The following DNAH7 variants were observed in gnomAD, a reference collection of about 807,000 sequenced individuals.
The protein encoded by DNAH7 is dynein axonemal heavy chain 7.
Under a neutral mutation model 444.6 loss-of-function variants are expected in DNAH7, and 397 were observed. The ratio of observed to expected loss-of-function variants is 0.89; its 90% confidence interval spans 0.82 to 0.97. The LOEUF is 0.97. DNAH7 is among the 50% of genes least tolerant of loss of function. DNAH7 has a pLI of 0.00. For missense variants in DNAH7, 4,902 were observed against 4,800.8 expected (o/e 1.02, Z -0.62); for synonymous variants, 1,636 against 1,624.4 (o/e 1.01, Z -0.17).
chr2:196,012,867 G>A lies in DNAH7; in HGVS notation c.909C>T (p.Cys303=). The A allele has an allele frequency of 6.5e-7, 1 of 1,528,704 alleles. No individual in the cohort carries two copies. The highest frequency in any genetic ancestry group is 8.8e-7 in the Non-Finnish European group (1 of 1,139,450). 94.7% of individuals were successfully genotyped at this position (1,528,704 alleles called of 1,614,324 possible). The change falls in exon 10 of 65, where the codon TGC becomes TGT. Residue 303 remains cysteine, a synonymous_variant. Transcript: ENST00000312428. ...RLVDIKEFHN[C]QDALELSSFQ... is the part of the protein sequence containing the mutation. ...AACTTGACAGCTCTAATGCATCCTG[G>A]CAATTATGAAATTCTTTGATATCAA...
In DNAH7 at chr2:195,808,748, G is replaced by A. The variant is rs772641016; in HGVS notation, c.10017C>T (p.Ala3339=). Residue 3339 remains alanine (A), a synonymous_variant, in exon 53 of 65, where the codon GCC becomes GCT. Coordinates refer to ENST00000312428, the MANE Select transcript of DNAH7 (RefSeq NM_018897.3). ...TAAACTCTCTACGAATGGTTTTGAA[G>A]GCAGGCAAATCATCTAATCGACATA... ...DEICRLDDLP[A]FKTIRREFMR... 1 of 1,613,996 alleles carries A rather than the reference G, an allele frequency of 6.2e-7. No homozygotes were observed. Among genetic ancestry groups the A allele is most frequent in the South Asian group, 1.1e-5 (1 of 91,082 alleles).
At chr2:196,013,034 TTAAA>T (rs1259169234) in intron 9 of DNAH7, 128 bp from the exon 10 acceptor site, 3 of 592,690 alleles carry the variant, frequency 5.1e-6, no homozygotes, top group African/African-American at 1.9e-5. Flanking sequence ...TTCTATATAA[TTAAA>T]TGTTAAAGAA....
At chr2:195,869,984 A>C (rs758085417) in intron 40 of DNAH7, among the ~76,000 whole-genome samples, 4 of 152,208 alleles carry the variant, frequency 2.6e-5, no homozygotes, top group Non-Finnish European at 5.9e-5. Context: ...GAATCTAAAA[A>C]ACTCTTAAAA....
At chr2:195,848,338 G>C (rs898853719) in intron 46 of DNAH7, among the ~76,000 whole-genome samples, 2 of 152,232 alleles carry the variant, frequency 1.3e-5, no homozygotes, top group Admixed American at 6.5e-5. Context: ...CTGGCACCAT[G>C]CCAGGTTATG....
chr2:195,906,844 C>T (rs763807829), intron 26 of DNAH7, 58 bp from the exon 27 acceptor site: 23 of 1,606,552 alleles, frequency 1.4e-5, no homozygotes, highest in Non-Finnish European at 2.0e-5. Context: ...ATGAGCTGTG[C>T]CATTCACTAC....
At chr2:196,038,718 C>T (rs1026288718) in intron 5 of DNAH7, among the ~76,000 whole-genome samples, 20 of 151,996 alleles carry the variant, frequency 1.3e-4, no homozygotes, top group African/African-American at 4.8e-4. Flanking sequence ...TGTGCCTTTA[C>T]AGATGAAGTA....
intron 45 of DNAH7, among the ~76,000 whole-genome samples, chr2:195,855,179 C>T (rs1699619786): frequency 6.6e-6 from 1 of 152,192 alleles, no homozygotes; most frequent in African/African-American, 2.4e-5. Context: ...CTTAGAACAA[C>T]CGGCCTTTGT....
chr2:195,751,044 A>G lies in DNAH7; in HGVS notation c.11764+3293T>C, dbSNP rs140133140. Among the ~76,000 whole-genome samples, 323 of 152,310 alleles carry G rather than the reference A, an allele frequency of 2.1e-3. 1 individual carries two copies. Among genetic ancestry groups the G allele is most frequent in the African/African-American group, 7.3e-3 (303 of 41,578 alleles). On this transcript the variant is annotated intron_variant, in intron 63 of 64. Transcript: ENST00000312428. ...AATTTTGTTAAAGCTTATATTATTA[A>G]GGAAACAATAAACTAAATAACTTAG...
chr2:195,926,121 C>T (rs1034606639), intron 22 of DNAH7, among the ~76,000 whole-genome samples: 9 of 152,008 alleles, frequency 5.9e-5, no homozygotes, highest in Middle Eastern at 3.4e-3. Context: ...TTTCTTAGTC[C>T]TATTATCACT....
In DNAH7 at chr2:196,024,509, A is replaced by G; in HGVS notation, c.668-5T>C. On this transcript the variant is annotated splice_region_variant and splice_polypyrimidine_tract_variant and intron_variant, in intron 7 of 64. Coordinates refer to ENST00000312428, the MANE Select transcript of DNAH7 (RefSeq NM_018897.3). ...GATCTTTTAAAACAAAATCAACTAA[A>G]AGAAAATTTTAAAATTCTGATAAAT... The G allele has an allele frequency of 6.5e-7, 1 of 1,542,868 alleles. No individual in the cohort carries two copies. The highest frequency in any genetic ancestry group is 8.7e-7 in the Non-Finnish European group (1 of 1,143,166).
Position 195,806,743 on chromosome 2 carries a change from G to A in DNAH7, c.10173C>T (p.Asp3391=), listed in dbSNP as rs556326053. The change falls in exon 54 of 65, where the codon GAC becomes GAT. Residue 3391 remains aspartate (D), a synonymous_variant. Coordinates refer to ENST00000312428, the MANE Select transcript of DNAH7 (RefSeq NM_018897.3). ...TGTTTTCAAAGCCCACATTTACCTT[G>A]TCTGGCCTCAAGCAACGAATAATAA... is the stretch of plus-strand genomic sequence containing the variant. ...RMLIIRCLRP[D]KVIPMLQEFI... 109 of 1,612,998 alleles carry A rather than the reference G, an allele frequency of 6.8e-5. No homozygotes were observed. Among genetic ancestry groups the A allele is most frequent in the Non-Finnish European group, 3.4e-6 (4 of 1,179,280 alleles).
chr2:195,898,460 A>G (rs1257293227), intron 28 of DNAH7, among the ~76,000 whole-genome samples: 1 of 152,220 alleles, frequency 6.6e-6, no homozygotes, highest in Non-Finnish European at 1.5e-5. Context: ...TCGTTATTGA[A>G]TCTTTCTTAA....
chr2:195,923,756 T>G lies in DNAH7; in HGVS notation c.3664A>C (p.Thr1222Pro), dbSNP rs1323402060. 1 of 1,614,112 alleles carries G rather than the reference T, an allele frequency of 6.2e-7. No homozygotes were observed. Among genetic ancestry groups the G allele is most frequent in the Admixed American group, 1.7e-5 (1 of 60,022 alleles). The change falls in exon 23 of 65, where the codon ACT becomes CCT. Residue 1222 changes from threonine (T) to proline (P), a missense_variant. Physicochemically the swap from Thr to Pro is conservative, Grantham distance 38. Coordinates refer to ENST00000312428, the MANE Select transcript of DNAH7 (RefSeq NM_018897.3). ...ATGGACAATTTGCCACGCACCAAAGTGACAATATCATCAATTTGTCTGTTA... is the reference window on the plus strand; with the variant it reads ...ATGGACAATTTGCCACGCACCAAAGGGACAATATCATCAATTTGTCTGTTA... Reference protein sequence around the residue: ...TCNRQIDDIVTLVRGKLSMQN... With the variant: ...TCNRQIDDIVPLVRGKLSMQN...
At chr2:196,053,883 A>T (rs1185502848) in intron 2 of DNAH7, among the ~76,000 whole-genome samples, 1 of 152,194 alleles carries the variant, frequency 6.6e-6, no homozygotes, top group African/African-American at 2.4e-5. Flanking sequence ...TAAGAGCTAG[A>T]GGGACAGGGA....
chr2:196,033,706 G>C (rs912672847), intron 5 of DNAH7, among the ~76,000 whole-genome samples: 1 of 152,064 alleles, frequency 6.6e-6, no homozygotes, highest in Admixed American at 6.6e-5. Flanking sequence ...GGACAGTCAG[G>C]TTGATTACAT....
At chr2:195,747,277 T>C (rs1693482666) in intron 63 of DNAH7, among the ~76,000 whole-genome samples, 1 of 152,178 alleles carries the variant, frequency 6.6e-6, no homozygotes, top group Non-Finnish European at 1.5e-5. Flanking sequence ...ACAACACATA[T>C]ATCCTCCCAA....
chr2:195,777,323 T>C (rs76277093), intron 59 of DNAH7, among the ~76,000 whole-genome samples: 2,249 of 152,286 alleles, frequency 0.015, 44 homozygotes, highest in East Asian at 0.069. Flanking sequence ...TGTGTGGCCT[T>C]GGGCAAATTA....
At chr2:195,850,561 T>TTA (rs1441842353) in intron 46 of DNAH7, among the ~76,000 whole-genome samples, 1 of 152,170 alleles carries the variant, frequency 6.6e-6, no homozygotes, top group Non-Finnish European at 1.5e-5. Flanking sequence ...TATGTTTTAT[T>TTA]TATGAAAAGT....
At chr2:195,823,495 T>C (rs1364248285) in intron 49 of DNAH7, among the ~76,000 whole-genome samples, 2 of 152,232 alleles carry the variant, frequency 1.3e-5, no homozygotes, top group African/African-American at 2.4e-5. Flanking sequence ...GAGATGCCTA[T>C]GTTAATTTAA....
Sources: gnomAD v4.1 joint callset for allele counts (sites outside exome capture counted in the v4.1 genomes callset) on GRCh38, gnomAD v4.1.1 for gene constraint, MANE v1.5 for transcripts, NCBI Gene and HGNC (gene_info 2026-07-23, HGNC 2026-07-21) for gene names.